The following DLGAP2 variants were observed in gnomAD, a reference collection of about 807,000 sequenced individuals.
DLGAP2 encodes DLG associated protein 2, also known as disks large-associated protein 2.
Under a neutral mutation model 100.3 loss-of-function variants are expected in DLGAP2, and 26 were observed. The ratio of observed to expected loss-of-function variants is 0.26; its 90% CI spans 0.19 to 0.36. DLGAP2 has a LOEUF of 0.36. DLGAP2 is among the 10% of genes least tolerant of loss of function. The pLI, the probability that DLGAP2 is intolerant of heterozygous loss-of-function variation, is 1.00. For missense variants in DLGAP2, 1,858 were observed against 1,453.2 expected (o/e 1.28, Z -4.53); for synonymous variants, 886 against 630.1 (o/e 1.41, Z -6.08).
chr8:1,691,539 C>T lies in DLGAP2; in HGVS notation c.2709C>T (p.Leu903=), dbSNP rs193218751. Reference sequence around the variant, plus strand: ...TTTTGTTTTTGTTTTAAACAGTTCTCGGTAAAATCAGGAGTGCTGTTGGGA... The same window carrying T: ...TTTTGTTTTTGTTTTAAACAGTTCTTGGTAAAATCAGGAGTGCTGTTGGGA... The part of the protein sequence containing the change: ...AEENDLSEEI[L]GKIRSAVGSA... Residue 903 remains leucine (L), a synonymous_variant, in exon 13 of 15, where the codon CTC becomes CTT. Transcript: ENST00000637795. 6.4e-5 allele frequency: 103 copies of T among 1,613,226 alleles called. No individual in the cohort carries two copies. Among genetic ancestry groups the T allele is most frequent in the Non-Finnish European group, 6.5e-5 (77 of 1,179,690 alleles).
At chr8:1,367,265 C>G (rs928199269) in intron 3 of DLGAP2, among the ~76,000 whole-genome samples, 1 of 152,206 alleles carries the variant, frequency 6.6e-6, no homozygotes, top group East Asian at 1.9e-4. Context: ...GGTGACATAA[C>G]ACAGAACATG....
intron 2 of DLGAP2, among the ~76,000 whole-genome samples, chr8:940,390 G>A (rs1015474251): frequency 1.3e-4 from 20 of 151,950 alleles, no homozygotes; most frequent in Admixed American, 1.0e-3. Context: ...GAGAGAGAGA[G>A]GGAAAAGGGT....
intron 3 of DLGAP2, among the ~76,000 whole-genome samples, chr8:1,491,420 C>G (rs1584951260): frequency 1.3e-5 from 2 of 152,136 alleles, no homozygotes; most frequent in East Asian, 1.9e-4. Flanking sequence ...GCTGCTCCCC[C>G]TGATCTCAGA....
chr8:1,607,890 CG>C (rs1184202148), intron 6 of DLGAP2, among the ~76,000 whole-genome samples: 30 of 149,358 alleles, frequency 2.0e-4, no homozygotes, highest in Non-Finnish European at 2.5e-4. Context: ...GAGGGTCCTA[CG>C]CCCACGGAAT....
At chr8:1,526,365 A>T (rs1261633092) in intron 4 of DLGAP2, among the ~76,000 whole-genome samples, 1 of 151,612 alleles carries the variant, frequency 6.6e-6, no homozygotes, top group Non-Finnish European at 1.5e-5. Context: ...CTCACAGGGG[A>T]GGAATTGGGG....
intron 2 of DLGAP2, among the ~76,000 whole-genome samples, chr8:1,139,074 C>T (rs1481462923): frequency 1.3e-5 from 2 of 152,242 alleles, no homozygotes; most frequent in Non-Finnish European, 2.9e-5. Context: ...TCTGGAAGTC[C>T]TGGTTGTTCA....
chr8:765,897 G>A (rs549835728), intron 1 of DLGAP2, among the ~76,000 whole-genome samples: 18 of 152,146 alleles, frequency 1.2e-4, no homozygotes, highest in Admixed American at 6.5e-4. Context: ...GGCCGGGTGC[G>A]GTGGCTCACG....
chr8:1,315,002 T>G (rs1786539330), intron 3 of DLGAP2, among the ~76,000 whole-genome samples: 1 of 152,222 alleles, frequency 6.6e-6, no homozygotes, highest in Non-Finnish European at 1.5e-5. Flanking sequence ...GTTGCGTGTT[T>G]TTAGTTATTA....
chr8:1,151,570 C>T (rs1796697936), intron 2 of DLGAP2, among the ~76,000 whole-genome samples: 1 of 152,114 alleles, frequency 6.6e-6, no homozygotes, highest in Non-Finnish European at 1.5e-5. Flanking sequence ...TTGTTCTTTG[C>T]CTGGTGAGGG....
intron 2 of DLGAP2, among the ~76,000 whole-genome samples, chr8:1,079,429 C>G (rs1017783430): frequency 2.6e-5 from 4 of 152,184 alleles, no homozygotes; most frequent in African/African-American, 9.6e-5. Context: ...TTTGTTTAAA[C>G]TATTTTTCAA....
intron 6 of DLGAP2, among the ~76,000 whole-genome samples, chr8:1,586,062 C>A (rs1796108861): frequency 6.6e-6 from 1 of 152,208 alleles, no homozygotes; most frequent in South Asian, 2.1e-4. Flanking sequence ...ATAAAAACTG[C>A]CACAAACTTA....
At chr8:791,521 A>G (rs944038652) in intron 1 of DLGAP2, among the ~76,000 whole-genome samples, 5 of 152,210 alleles carry the variant, frequency 3.3e-5, no homozygotes, top group Non-Finnish European at 7.3e-5. Context: ...TGGTGTCTCA[A>G]TAGGTGTATA....
intron 3 of DLGAP2, among the ~76,000 whole-genome samples, chr8:1,421,800 C>T (rs1584883203): frequency 1.3e-5 from 2 of 152,068 alleles, no homozygotes; most frequent in Middle Eastern, 6.8e-3. Flanking sequence ...CCCGTCTCTA[C>T]TATAAATACA....
chr8:1,587,466 A>T (rs920685087), intron 6 of DLGAP2, among the ~76,000 whole-genome samples: 6 of 152,056 alleles, frequency 3.9e-5, no homozygotes, highest in Non-Finnish European at 8.8e-5. Context: ...TCTTAGACCT[A>T]TTTGTTGTTT....
chr8:853,620 C>G (rs971359990), intron 1 of DLGAP2, among the ~76,000 whole-genome samples: 1 of 152,204 alleles, frequency 6.6e-6, no homozygotes, highest in African/African-American at 2.4e-5. Context: ...TCAGATATAG[C>G]CCAGGGCCAG....
At chr8:753,556 G>T (rs546788529) in intron 1 of DLGAP2, 1 of 152,278 alleles carries the variant, frequency 6.6e-6, no homozygotes, top group Non-Finnish European at 1.5e-5. Context: ...TCCGCGAGGC[G>T]CTGAGAGGGA....
chr8:1,000,509 T>C (rs1800922896), intron 2 of DLGAP2, among the ~76,000 whole-genome samples: 1 of 151,686 alleles, frequency 6.6e-6, no homozygotes, highest in Non-Finnish European at 1.5e-5. Context: ...GGTTTTCTTT[T>C]GCAATGGATT....
At chr8:1,696,745 G>A (rs1031215004) in intron 13 of DLGAP2, among the ~76,000 whole-genome samples, 3 of 152,148 alleles carry the variant, frequency 2.0e-5, no homozygotes, top group African/African-American at 7.2e-5. Flanking sequence ...GTATAGAATG[G>A]GCTCCAAGCT....
At chr8:1,452,279 G>T (rs1798184301) in intron 3 of DLGAP2, among the ~76,000 whole-genome samples, 1 of 152,226 alleles carries the variant, frequency 6.6e-6, no homozygotes, top group African/African-American at 2.4e-5. Flanking sequence ...GGTGTTCTGT[G>T]GCTGGGCGCT....
Sources: gnomAD v4.1 joint callset for allele counts (sites outside exome capture counted in the v4.1 genomes callset) on GRCh38, gnomAD v4.1.1 for gene constraint, MANE v1.5 for transcripts, NCBI Gene and HGNC (gene_info 2026-07-23, HGNC 2026-07-21) for gene names.